The following AUTS2 variants were observed in gnomAD, a reference collection of about 807,000 sequenced individuals.
AUTS2 encodes activator of transcription and developmental regulator AUTS2.
AUTS2 carries 17 observed loss-of-function variants against 112.4 expected under a neutral mutation model. That is an observed-to-expected ratio of 0.15 (90% CI 0.10 to 0.23). AUTS2 has a LOEUF of 0.23. AUTS2 is among the 10% of genes least tolerant of loss of function. The probability of loss-of-function intolerance (pLI) is 1.00; values close to 1 mark genes in which losing one functional copy is unlikely to be tolerated. For synonymous variants in AUTS2, 751 were observed against 702.7 expected (o/e 1.07, Z -1.09); for missense variants, 1,510 against 1,701.6 (o/e 0.89, Z 1.98).
intron 2 of AUTS2, among the ~76,000 whole-genome samples, chr7:69,981,871 C>A (rs939896723): frequency 6.6e-6 from 1 of 152,170 alleles, no homozygotes; most frequent in African/African-American, 2.4e-5. Context: ...GTACACACTT[C>A]GAGTTGGTAA....
chr7:70,438,831 T>TG (rs1796005295), intron 5 of AUTS2, among the ~76,000 whole-genome samples: 1 of 152,184 alleles, frequency 6.6e-6, no homozygotes, highest in Non-Finnish European at 1.5e-5. Flanking sequence ...CTCAGTGTCC[T>TG]GGGATACCTT....
intron 2 of AUTS2, among the ~76,000 whole-genome samples, chr7:70,028,176 C>G (rs1460059915): frequency 6.6e-6 from 1 of 151,782 alleles, no homozygotes; most frequent in Non-Finnish European, 1.5e-5. Flanking sequence ...ATCTTCATTT[C>G]TTTTTCACCT....
intron 6 of AUTS2, among the ~76,000 whole-genome samples, chr7:70,714,884 G>A (rs1810269401): frequency 6.6e-6 from 1 of 152,194 alleles, no homozygotes; most frequent in African/African-American, 2.4e-5. Flanking sequence ...CAGTTTTAGT[G>A]ATGTCAAAAT....
intron 4 of AUTS2, among the ~76,000 whole-genome samples, chr7:70,208,791 G>C (rs1032800087): frequency 6.6e-6 from 1 of 151,730 alleles, no homozygotes; most frequent in East Asian, 1.9e-4. Flanking sequence ...CCAAGCAGAA[G>C]AAAGAAGAAG....
chr7:70,352,727 T>C (rs1411879926), intron 4 of AUTS2, among the ~76,000 whole-genome samples: 3 of 152,196 alleles, frequency 2.0e-5, no homozygotes, highest in Non-Finnish European at 4.4e-5. Flanking sequence ...TGATAAATGC[T>C]TGTTTAAAAA....
chr7:70,443,937 A>ATTAC (rs1234919792), intron 5 of AUTS2, among the ~76,000 whole-genome samples: 6 of 152,212 alleles, frequency 3.9e-5, no homozygotes, highest in African/African-American at 1.4e-4. Flanking sequence ...GGTAATGACC[A>ATTAC]TTACTTGATC....
intron 3 of AUTS2, among the ~76,000 whole-genome samples, chr7:70,124,302 G>A (rs1455946169): frequency 1.3e-5 from 2 of 152,072 alleles, no homozygotes; most frequent in African/African-American, 4.8e-5. Flanking sequence ...CCATTCTGTA[G>A]GTTGCCTGTT....
At chr7:70,156,072 TTC>T (rs1303436674) in intron 4 of AUTS2, among the ~76,000 whole-genome samples, 3 of 152,138 alleles carry the variant, frequency 2.0e-5, no homozygotes, top group Admixed American at 6.5e-5. Context: ...CATCCATAAC[TTC>T]ATCTAGCCCT....
At chr7:70,392,797 C>T (rs1465095754) in intron 4 of AUTS2, among the ~76,000 whole-genome samples, 1 of 152,220 alleles carries the variant, frequency 6.6e-6, no homozygotes, top group Non-Finnish European at 1.5e-5. Context: ...CACCGTTTTC[C>T]AGAAATCTTT....
At chr7:70,161,080 A>C (rs575311478) in intron 4 of AUTS2, among the ~76,000 whole-genome samples, 7 of 152,200 alleles carry the variant, frequency 4.6e-5, no homozygotes, top group East Asian at 1.9e-4. Flanking sequence ...CTTTAAATCT[A>C]TCTCTCTCTC....
chr7:70,713,798 A>G (rs151068284), intron 6 of AUTS2, among the ~76,000 whole-genome samples: 1 of 151,988 alleles, frequency 6.6e-6, no homozygotes, highest in Non-Finnish European at 1.5e-5. Flanking sequence ...CAGGAGGCTG[A>G]GGCAGGAGAA....
At chr7:69,626,251 G>C (rs146565778) in intron 1 of AUTS2, among the ~76,000 whole-genome samples, 1 of 152,160 alleles carries the variant, frequency 6.6e-6, no homozygotes, top group Non-Finnish European at 1.5e-5. Context: ...ACATTAACCT[G>C]AGCTTAATTG....
At chr7:69,898,716 T>C (rs1794852246) in intron 1 of AUTS2, among the ~76,000 whole-genome samples, 1 of 152,172 alleles carries the variant, frequency 6.6e-6, no homozygotes, top group African/African-American at 2.4e-5. Context: ...ATATTGTTGT[T>C]ACATTTTGCA....
At chr7:70,701,728 T>C (rs994414270) in intron 6 of AUTS2, among the ~76,000 whole-genome samples, 1 of 152,212 alleles carries the variant, frequency 6.6e-6, no homozygotes, top group Non-Finnish European at 1.5e-5. Context: ...GGGCTTAGCG[T>C]TGTAGACACA....
At chr7:69,808,881 C>T (rs1266252100) in intron 1 of AUTS2, among the ~76,000 whole-genome samples, 1 of 152,094 alleles carries the variant, frequency 6.6e-6, no homozygotes, top group Non-Finnish European at 1.5e-5. Context: ...ATGAGGGGTA[C>T]AGAACCAGGA....
rs536318257 is a variant in AUTS2, at chr7:70,210,535, G to C, written c.660+75964G>C. Among the ~76,000 whole-genome samples the C allele has an allele frequency of 3.9e-5, 6 of 152,266 alleles. No individual in the cohort carries two copies. The South Asian group carries it at 1.2e-3, about 32-fold the overall frequency. On this transcript the variant is annotated intron_variant, in intron 4 of 18. Coordinates refer to ENST00000342771, the MANE Select transcript of AUTS2 (RefSeq NM_015570.4). ...TTCCTATTACCAGCAAAGGTTTTTA[G>C]CTTTGACCATAAAAGTTATCTAAAT...
At chr7:70,544,081 C>T (rs937197494) in intron 5 of AUTS2, among the ~76,000 whole-genome samples, 4 of 152,178 alleles carry the variant, frequency 2.6e-5, no homozygotes, top group Non-Finnish European at 4.4e-5. Flanking sequence ...TGTATTTAAA[C>T]GGTTTCTCCA....
chr7:69,993,366 T>G (rs1036834857), intron 2 of AUTS2, among the ~76,000 whole-genome samples: 1 of 151,904 alleles, frequency 6.6e-6, no homozygotes, highest in Non-Finnish European at 1.5e-5. Context: ...CTGAGGCAGG[T>G]GGGGTTAATT....
rs375645840 is a variant in AUTS2, at chr7:69,612,900, TC to T, written c.309+12939del. On this transcript the variant is annotated intron_variant, in intron 1 of 18. Transcript: ENST00000342771. ...TCAGTAATCTATGCATAGTAGGTAC[TC>T]AGTCATTGCTTATTTACAGTTGACA... 3.6e-4 allele frequency among the ~76,000 whole-genome samples: 55 copies of T among 152,354 alleles called. 1 individual carries two copies. In the South Asian group the frequency reaches 0.011, roughly 31 times the overall value.
Sources: allele counts gnomAD v4.1 joint callset (sites outside exome capture counted in the v4.1 genomes callset), GRCh38; gene constraint gnomAD v4.1.1; transcripts MANE v1.5; gene names NCBI Gene and HGNC (gene_info 2026-07-23, HGNC 2026-07-21).